The following TMC7 variants were observed in gnomAD, a reference collection of about 807,000 sequenced individuals.
The protein encoded by TMC7 is transmembrane channel like 7.
A neutral mutation model predicts 82.9 loss-of-function variants in TMC7; 54 were observed. That is an observed-to-expected ratio of 0.65 (90% CI 0.52 to 0.82). TMC7 has a LOEUF of 0.82. Among genes scored for constraint, TMC7 ranks in the 40% least tolerant of loss-of-function variants. The probability of loss-of-function intolerance (pLI) is 0.00; values close to 1 mark genes in which losing one functional copy is unlikely to be tolerated. For missense variants in TMC7, 820 were observed against 901.2 expected (o/e 0.91, Z 1.15); for synonymous variants, 350 against 337.9 (o/e 1.04, Z -0.39).
At chr16:19,021,529 C>T in intron 3 of TMC7, 100 bp from the exon 4 acceptor site, 1 of 1,282,346 alleles carries the variant, frequency 7.8e-7, no homozygotes, top group African/African-American at 1.5e-5. Flanking sequence ...CTCCTTCCAG[C>T]TACTGATTCC....
rs55796412 is a variant in TMC7 at position 19,037,931 on chromosome 16, A to T, written c.1063A>T (p.Thr355Ser). The part of the protein sequence containing the change: ...QKIAERTSEE[T>S]IRIYSLRLFL... ...AATAGCAGAAAGGACCTCAGAAGAA[A>T]CAATACGCATTTACTCTTTGAGACT... The change falls in exon 8 of 16, where the codon ACA becomes TCA. Residue 355 changes from threonine (T) to serine (S), a missense_variant. Thr to Ser is a moderately conservative substitution (Grantham distance 58, BLOSUM62 1). Around this residue, in one of 2 missense-constraint regions of TMC7, gnomAD observed 650 missense variants for 669.9 expected, o/e 0.97. Transcript: ENST00000304381. 0.012 allele frequency: 19,374 copies of T among 1,614,006 alleles called. 142 individuals carry two copies. Among genetic ancestry groups the T allele is most frequent in the Non-Finnish European group, 0.014 (16,405 of 1,179,970 alleles).
chr16:19,039,357 C>A (rs1300245861), intron 8 of TMC7, among the ~76,000 whole-genome samples: 1 of 152,164 alleles, frequency 6.6e-6, no homozygotes, highest in Non-Finnish European at 1.5e-5. Flanking sequence ...TCCCAAAGTG[C>A]TGGGATTACA....
intron 12 of TMC7, chr16:19,049,617 T>A (rs1355145859): frequency 1.0e-6 from 1 of 985,258 alleles, no homozygotes; most frequent in African/African-American, 1.7e-5. Flanking sequence ...CAGGAAATAC[T>A]GATTAGCCCG....
chr16:19,009,844 G>A (rs1416642137), intron 2 of TMC7, among the ~76,000 whole-genome samples: 2 of 151,180 alleles, frequency 1.3e-5, no homozygotes, highest in Non-Finnish European at 2.9e-5. Flanking sequence ...TGGAGGCTGA[G>A]GCAGGGGAAT....
chr16:18,995,248 C>G (rs2039023481), intron 1 of TMC7, among the ~76,000 whole-genome samples: 1 of 152,140 alleles, frequency 6.6e-6, no homozygotes, highest in South Asian at 2.1e-4. Flanking sequence ...GCAAGGGAAA[C>G]TGGCCCTTGA....
rs1961307352 is a variant in TMC7, at chr16:19,047,081, TTCCTCTTG to T, written c.1573_1580del (p.Ser525GlnfsTer15). ...TTTCCAGGCTCCTGGTGACCTACTG[TTCCTCTTG>T]CAAGCTGATTCAGTGCTGGGGGCAG... On this transcript the variant is annotated frameshift_variant, in exon 12 of 16. Coordinates refer to ENST00000304381, the MANE Select transcript of TMC7 (RefSeq NM_024847.4). LOFTEE classifies it high-confidence loss of function. 6.2e-6 allele frequency: 10 copies of T among 1,611,276 alleles called. No individual in the cohort carries two copies. The highest frequency in any genetic ancestry group is 5.9e-6 in the Non-Finnish European group (7 of 1,179,004).
intron 12 of TMC7, among the ~76,000 whole-genome samples, chr16:19,050,171 A>T (rs1449226270): frequency 6.6e-6 from 1 of 151,972 alleles, no homozygotes; most frequent in East Asian, 1.9e-4. Context: ...GGAGATCGAG[A>T]CCATCCTGGC....
At chr16:19,017,370 GTAT>G (rs1300774025) in intron 3 of TMC7, among the ~76,000 whole-genome samples, 2 of 147,994 alleles carry the variant, frequency 1.4e-5, no homozygotes, top group Non-Finnish European at 3.0e-5. Context: ...GCATAAAATA[GTAT>G]TATTTAAAAA....
intron 9 of TMC7, among the ~76,000 whole-genome samples, chr16:19,043,395 TGTA>T (rs1438312086): frequency 6.6e-6 from 1 of 152,120 alleles, no homozygotes; most frequent in Non-Finnish European, 1.5e-5. Context: ...TTAAAAAAAT[TGTA>T]GTAACATATA....
intron 1 of TMC7, among the ~76,000 whole-genome samples, chr16:19,000,821 C>A (rs112852631): frequency 0.011 from 1,621 of 152,158 alleles, 29 homozygotes; most frequent in African/African-American, 0.037. Flanking sequence ...GAGTTTGAGA[C>A]CAGTCTGGGC....
intron 3 of TMC7, among the ~76,000 whole-genome samples, chr16:19,017,522 T>C (rs1321664071): frequency 6.6e-6 from 1 of 151,754 alleles, no homozygotes; most frequent in Admixed American, 6.6e-5. Context: ...GTTATCATAT[T>C]ATTAAAAACA....
chr16:19,035,848 G>T (rs368823380), intron 7 of TMC7, 25 bp downstream of exon 7: 1 of 1,546,576 alleles, frequency 6.5e-7, no homozygotes, highest in African/African-American at 1.4e-5. Context: ...GTTTGTCCGT[G>T]GTGGGGTCCT....
intron 2 of TMC7, chr16:19,012,305 C>T (rs1437956062): frequency 6.6e-6 from 1 of 152,004 alleles, no homozygotes; most frequent in South Asian, 2.1e-4. Context: ...TATTTTATTT[C>T]CCACTCTTTC....
Position 18,991,773 on chromosome 16 carries a change from C to G in TMC7, c.67+7643C>G, listed in dbSNP as rs561919667. ...ACAAGAGGCCCCGGTGTGTGATGTTCCCCTTTCTGTGTCCAAGTGTTCTCA... is the reference window on the plus strand; with the variant it reads ...ACAAGAGGCCCCGGTGTGTGATGTTGCCCTTTCTGTGTCCAAGTGTTCTCA... On this transcript the variant is annotated intron_variant, in intron 1 of 15. Transcript: ENST00000304381. Among the ~76,000 whole-genome samples the G allele has an allele frequency of 2.4e-3, 364 of 152,030 alleles. 1 individual carries two copies. The highest frequency in any genetic ancestry group is 8.7e-3 in the African/African-American group (360 of 41,456).
intron 9 of TMC7, among the ~76,000 whole-genome samples, chr16:19,041,631 C>G (rs1439788056): frequency 6.6e-6 from 1 of 152,160 alleles, no homozygotes; most frequent in Non-Finnish European, 1.5e-5. Flanking sequence ...CTTAGCCTCC[C>G]AAAGTGCTGG....
chr16:19,053,018 T>G (rs1364184516), intron 13 of TMC7, among the ~76,000 whole-genome samples: 1 of 152,210 alleles, frequency 6.6e-6, no homozygotes, highest in Non-Finnish European at 1.5e-5. Context: ...TGACCAGATT[T>G]TATTCTTTTT....
chr16:19,021,739 C>T lies in TMC7; in HGVS notation c.571C>T (p.Leu191Phe), dbSNP rs763506692. The change falls in exon 4 of 16, where the codon CTC becomes TTC. Residue 191 changes from leucine (L) to phenylalanine (F), a missense_variant. Leu to Phe is a conservative substitution (Grantham distance 22). Transcript: ENST00000304381. ...IFMLVLLPVL[L>F]TKYKITNSSF... The stretch of plus-strand genomic sequence containing the variant: ...TATGCTGGTTTTGCTCCCAGTCTTA[C>T]TCACGAAATACAAGATCACCAACAG... The T allele has an allele frequency of 2.7e-5, 44 of 1,614,164 alleles. 1 individual carries two copies. The South Asian group carries it at 3.7e-4, about 14-fold the overall frequency.
chr16:19,060,449 C>T lies in TMC7; in HGVS notation c.2106+955C>T, dbSNP rs184040824. 9.9e-3 allele frequency among the ~76,000 whole-genome samples: 1,510 copies of T among 152,228 alleles called. 18 individuals are homozygous for T. The highest frequency in any genetic ancestry group is 0.016 in the Non-Finnish European group (1,115 of 68,008). On this transcript the variant is annotated intron_variant, in intron 15 of 15. Transcript: ENST00000304381. ...TGAACTCCTGGGCTCAAGTGATTGT[C>T]CCCTCTCAGTTCCCCAAAGTGCTGG...
intron 6 of TMC7, 22 bp from the exon 7 acceptor site, chr16:19,035,654 G>A (rs774580685): frequency 1.9e-6 from 3 of 1,613,950 alleles, no homozygotes; most frequent in Admixed American, 1.7e-5. Context: ...CTATAAGAAG[G>A]ATGATTGTGT....
Sources: allele counts gnomAD v4.1 joint callset (sites outside exome capture counted in the v4.1 genomes callset), GRCh38; gene constraint gnomAD v4.1.1; regional missense constraint gnomAD v4.1.1; transcripts MANE v1.5; gene names NCBI Gene and HGNC (gene_info 2026-07-23, HGNC 2026-07-21).